The following DNAJC12 variants were observed in gnomAD, a reference collection of about 807,000 sequenced individuals.
DNAJC12 encodes the protein DnaJ heat shock protein family (Hsp40) member C12.
In DNAJC12, 25 loss-of-function variants were observed where a neutral mutation model predicts 28.5. The observed-to-expected ratio is 0.88, with a 90% CI of 0.64 to 1.22. The LOEUF is 1.22. DNAJC12 is among the 50% of genes most tolerant of loss of function. The pLI is 0.00. For missense variants in DNAJC12, 222 were observed against 231.7 expected (o/e 0.96, Z 0.27); for synonymous variants, 77 against 80.6 (o/e 0.95, Z 0.24).
rs148176179 is a variant in DNAJC12, at chr10:67,811,570, G to C, written c.251C>G (p.Ser84Trp). The change falls in exon 3 of 5, where the codon TCG (serine) becomes TGG (tryptophan). Residue 84 changes from serine (S) to tryptophan (W), a missense_variant. Ser to Trp is a radical substitution (Grantham distance 177, BLOSUM62 -3). Coordinates refer to ENST00000225171, the MANE Select transcript of DNAJC12 (RefSeq NM_021800.3). ...RYDHWRRSQM[S>W]MPFQQWEALN... ...AGCTTCCCACTGCTGGAATGGCATC[G>C]ACATCTGGCTCCTTCGCCAGTGGTC... 30 of 1,613,990 alleles carry C rather than the reference G, an allele frequency of 1.9e-5. No homozygotes were observed. Among genetic ancestry groups the C allele is most frequent in the Non-Finnish European group, 2.5e-5 (30 of 1,180,012 alleles).
chr10:67,823,440 T>C, intron 1 of DNAJC12, 48 bp from the exon 2 acceptor site: 1 of 1,538,358 alleles, frequency 6.5e-7, no homozygotes, highest in Non-Finnish European at 9.0e-7. Flanking sequence ...CCAGGCGCAG[T>C]GACTCACGCC....
chr10:67,824,132 A>G (rs1253283710), intron 1 of DNAJC12, among the ~76,000 whole-genome samples: 3 of 151,844 alleles, frequency 2.0e-5, no homozygotes, highest in Non-Finnish European at 2.9e-5. Context: ...GCTACTCAGG[A>G]GGCTGAGGCA....
intron 2 of DNAJC12, among the ~76,000 whole-genome samples, chr10:67,816,716 T>C (rs1353050017): frequency 6.6e-6 from 1 of 152,112 alleles, no homozygotes; most frequent in East Asian, 1.9e-4. Context: ...CAGCTAATTT[T>C]TTGTACTTTT....
intron 4 of DNAJC12, among the ~76,000 whole-genome samples, chr10:67,799,087 T>A (rs1160743034): frequency 2.0e-5 from 3 of 152,170 alleles, no homozygotes; most frequent in East Asian, 1.9e-4. Flanking sequence ...TAATACTCTT[T>A]TTTGTTTATC....
At chr10:67,821,800 G>A (rs1008521867) in intron 2 of DNAJC12, among the ~76,000 whole-genome samples, 1 of 152,234 alleles carries the variant, frequency 6.6e-6, no homozygotes, top group African/African-American at 2.4e-5. Flanking sequence ...GGAGGACACA[G>A]TAGAGAGAGA....
intron 3 of DNAJC12, chr10:67,811,138 G>A (rs1442947987): frequency 3.2e-6 from 1 of 310,834 alleles, no homozygotes; most frequent in Non-Finnish European, 4.8e-6. Context: ...TCTAAGCCTT[G>A]AAAAGAGAGC....
At chr10:67,832,265 CAAAA>C (rs200725436) in intron 1 of DNAJC12, among the ~76,000 whole-genome samples, 2 of 67,400 alleles carry the variant, frequency 3.0e-5, no homozygotes, top group Admixed American at 1.8e-4. Flanking sequence ...AACTCCATCT[CAAAA>C]AAAAAAAAAA....
chr10:67,832,584 G>T (rs1842105051), intron 1 of DNAJC12, among the ~76,000 whole-genome samples: 1 of 152,066 alleles, frequency 6.6e-6, no homozygotes, highest in Non-Finnish European at 1.5e-5. Context: ...TGTGGGAGAA[G>T]GGATAGTTTT....
At chr10:67,831,338 TC>T (rs1589050823) in intron 1 of DNAJC12, among the ~76,000 whole-genome samples, 1 of 152,372 alleles carries the variant, frequency 6.6e-6, no homozygotes. Flanking sequence ...ATTTGTGCTT[TC>T]TTTGTATTCC....
rs116519723 is a variant in DNAJC12, at chr10:67,837,278, G to C, written c.78+656C>G. 7.1e-3 allele frequency among the ~76,000 whole-genome samples: 1,074 copies of C among 152,126 alleles called. 14 individuals carry two copies. The highest frequency in any genetic ancestry group is 0.024 in the African/African-American group (1,004 of 41,552). ...TTAATACTGTTATCCTTGGGAGAGAGAATTATAAATGATTTTTCCATAATT... is the reference window on the plus strand; with the variant it reads ...TTAATACTGTTATCCTTGGGAGAGACAATTATAAATGATTTTTCCATAATT... On this transcript the variant is annotated intron_variant, in intron 1 of 4. Coordinates refer to ENST00000225171, the MANE Select transcript of DNAJC12 (RefSeq NM_021800.3).
At chr10:67,799,545 T>C (rs1471851265) in intron 4 of DNAJC12, among the ~76,000 whole-genome samples, 4 of 151,728 alleles carry the variant, frequency 2.6e-5, no homozygotes, top group Non-Finnish European at 5.9e-5. Flanking sequence ...TTGATTATAT[T>C]TTCTCACATT....
chr10:67,819,687 A>AAAGAAAGAAAGAAAGAAAGAAAGAAAGG (rs1841955031), intron 2 of DNAJC12, among the ~76,000 whole-genome samples: 1 of 20,254 alleles, frequency 4.9e-5, no homozygotes, highest in African/African-American at 1.2e-4. Flanking sequence ...AGAAAGAAAG[A>AAAGAAAGAAAGAAAGAAAGAAAGAAAGG]AAGAAAGAAA....
intron 3 of DNAJC12, among the ~76,000 whole-genome samples, chr10:67,808,288 A>C (rs1841823596): frequency 6.6e-6 from 1 of 152,250 alleles, no homozygotes; most frequent in South Asian, 2.1e-4. Context: ...AAAATGCACA[A>C]GACAGAAAAT....
intron 3 of DNAJC12, among the ~76,000 whole-genome samples, chr10:67,808,964 C>G (rs1373788781): frequency 6.6e-6 from 1 of 152,242 alleles, no homozygotes; most frequent in East Asian, 1.9e-4. Context: ...GCCAGTTGAA[C>G]CCACCCCAAA....
At chr10:67,823,194 A>G in intron 2 of DNAJC12, 120 bp downstream of exon 2, 1 of 780,232 alleles carries the variant, frequency 1.3e-6, no homozygotes, top group Non-Finnish European at 2.1e-6. Flanking sequence ...TAGTGCAAAG[A>G]AAGAATACGG....
chr10:67,832,027 A>G (rs1409962168), intron 1 of DNAJC12, among the ~76,000 whole-genome samples: 2 of 152,228 alleles, frequency 1.3e-5, no homozygotes, highest in Non-Finnish European at 2.9e-5. Flanking sequence ...ACACTTTGAG[A>G]GGCCGAGGTG....
chr10:67,827,621 G>C (rs1321068453), intron 1 of DNAJC12: 1 of 151,850 alleles, frequency 6.6e-6, no homozygotes, highest in African/African-American at 2.4e-5. Flanking sequence ...AGGAGGCAGA[G>C]GTTGCAGTGA....
intron 2 of DNAJC12, among the ~76,000 whole-genome samples, chr10:67,821,826 A>G (rs1841984406): frequency 1.3e-5 from 2 of 152,196 alleles, no homozygotes; most frequent in Non-Finnish European, 2.9e-5. Flanking sequence ...AAGGTAAATC[A>G]ACAGTGTTTG....
At chr10:67,828,154 A>C (rs2131812653) in intron 1 of DNAJC12, among the ~76,000 whole-genome samples, 1 of 152,306 alleles carries the variant, frequency 6.6e-6, no homozygotes, top group East Asian at 1.9e-4. Context: ...AAAATATCCA[A>C]AGGATTGTAA....
Sources: allele counts gnomAD v4.1 joint callset (sites outside exome capture counted in the v4.1 genomes callset), GRCh38; gene constraint gnomAD v4.1.1; transcripts MANE v1.5; gene names NCBI Gene and HGNC (gene_info 2026-07-23, HGNC 2026-07-21).